PPP4R3B: variants seen among roughly 807,000 people sequenced by gnomAD.
The protein encoded by PPP4R3B is serine/threonine-protein phosphatase 4 regulatory subunit 3B.
In PPP4R3B, 52 loss-of-function variants were observed where a neutral mutation model predicts 95.4. That is an observed-to-expected ratio of 0.54 (90% CI 0.44 to 0.69). The LOEUF is 0.69. PPP4R3B is among the 30% of genes least tolerant of loss of function. The pLI, the probability that PPP4R3B is intolerant of heterozygous loss-of-function variation, is 0.00. For missense variants in PPP4R3B, 1,003 were observed against 1,005.9 expected, an observed-to-expected ratio of 1.00 and a Z score of 0.04; for synonymous variants, 407 against 343.9, an observed-to-expected ratio of 1.18 and a Z score of -2.03.
intron 3 of PPP4R3B, among the ~76,000 whole-genome samples, chr2:55,600,426 C>CCTAAAAA (rs1692398476): frequency 4.5e-5 from 1 of 22,172 alleles, no homozygotes. Flanking sequence ...AACTCTGTCT[C>CCTAAAAA]AAAAAAAAAA....
chr2:55,559,347 AAAAAAAACC>A (rs890650611), intron 15 of PPP4R3B, among the ~76,000 whole-genome samples: 5 of 151,650 alleles, frequency 3.3e-5, no homozygotes, highest in Non-Finnish European at 5.9e-5. Context: ...ACTCCGTCTC[AAAAAAAACC>A]AAAAAAACAA....
rs1481017542 is a variant in PPP4R3B, at chr2:55,549,470, AGGCAACTGATTAAAACAACAACAT to A, written c.*417_*440del. 1 of 153,404 alleles carries A rather than the reference AGGCAACTGATTAAAACAACAACAT, an allele frequency of 6.5e-6. No individual in the cohort carries two copies. The highest frequency in any genetic ancestry group is 1.5e-5 in the Non-Finnish European group (1 of 68,608). The allele number at this position is 153,404 out of a possible 1,614,324, so 9.5% of individuals were successfully genotyped here. On this transcript the variant is annotated 3_prime_UTR_variant, in exon 17 of 17. Coordinates refer to ENST00000616407, the MANE Select transcript of PPP4R3B (RefSeq NM_001122964.3). Reference sequence around the variant, plus strand: ...TTCCATAAAAATTTCTTTTAAAAAGAGGCAACTGATTAAAACAACAACATGGCCAGCACCATTATACAAGTAATG... The same window carrying A: ...TTCCATAAAAATTTCTTTTAAAAAGAGGCCAGCACCATTATACAAGTAATG...
At chr2:55,584,921 C>T (rs1461682380) in intron 7 of PPP4R3B, 130 bp downstream of exon 7, 2 of 758,792 alleles carry the variant, frequency 2.6e-6, no homozygotes, top group East Asian at 5.9e-5. Context: ...GCCAAAGTCA[C>T]AACAAGTCAG....
intron 4 of PPP4R3B, among the ~76,000 whole-genome samples, chr2:55,589,845 G>A (rs1353688437): frequency 4.0e-5 from 6 of 149,634 alleles, no homozygotes; most frequent in African/African-American, 1.2e-4. Flanking sequence ...GAACCCGGGA[G>A]GGGGAGCTTG....
At chr2:55,575,291 C>A (rs1334950599) in intron 11 of PPP4R3B, among the ~76,000 whole-genome samples, 1 of 147,896 alleles carries the variant, frequency 6.8e-6, no homozygotes, top group African/African-American at 2.7e-5. Context: ...GAGGGACCTA[C>A]TGAATAAACT....
rs142255362 is a variant in PPP4R3B at position 55,573,528 on chromosome 2, A to T, written c.1765+91T>A. The T allele has an allele frequency of 6.0e-5, 70 of 1,166,004 alleles. 1 individual carries two copies. In the East Asian group the frequency reaches 1.4e-3, roughly 23 times the overall value. The allele number at this position is 1,166,004 out of a possible 1,614,324, so 72.2% of individuals were successfully genotyped here. The stretch of plus-strand genomic sequence containing the variant: ...GACTTCTCACAATCATCTCATTCAT[A>T]GAATATACACTGCTAATAAATAACT... On this transcript the variant is annotated intron_variant, in intron 12 of 16. Coordinates refer to ENST00000616407, the MANE Select transcript of PPP4R3B (RefSeq NM_001122964.3).
intron 3 of PPP4R3B, among the ~76,000 whole-genome samples, chr2:55,601,357 A>G (rs1692581360): frequency 1.3e-5 from 2 of 151,654 alleles, no homozygotes; most frequent in Admixed American, 6.6e-5. Flanking sequence ...ATACAATATG[A>G]TGATGAACCA....
chr2:55,598,481 T>C lies in PPP4R3B; in HGVS notation c.856A>G (p.Asn286Asp). Residue 286 changes from asparagine to aspartate, a missense_variant, in exon 4 of 17, where the codon AAT (asparagine) becomes GAT (aspartate). Coordinates refer to ENST00000616407, the MANE Select transcript of PPP4R3B (RefSeq NM_001122964.3). ...AAAGACGTAAGAGTAGAAAGAAAAT[T>C]CTCTTCAAAAACAGATGGTGTGGGC... Reference protein sequence around the residue: ...ILPTPSVFEENFLSTLTSFIF... With the variant: ...ILPTPSVFEEDFLSTLTSFIF... The C allele has an allele frequency of 6.2e-7, 1 of 1,614,056 alleles. No individual in the cohort carries two copies. Among genetic ancestry groups the C allele is most frequent in the Non-Finnish European group, 8.5e-7 (1 of 1,180,006 alleles).
rs1684920485 is a variant in PPP4R3B, at chr2:55,548,407, G to A, written c.*1504C>T. ...ATTACAGGGTCACATTTTAATTCCT[G>A]AATTTTACAGTTTAGCATTAATATC... On this transcript the variant is annotated 3_prime_UTR_variant, in exon 17 of 17. Transcript: ENST00000616407. 1 of 152,580 alleles carries A rather than the reference G, an allele frequency of 6.6e-6. No homozygotes were observed. The highest frequency in any genetic ancestry group is 6.5e-5 in the Admixed American group (1 of 15,278). 9.5% of individuals were successfully genotyped at this position (152,580 alleles called of 1,614,324 possible).
At chr2:55,578,030 T>A (rs936405144) in intron 10 of PPP4R3B, among the ~76,000 whole-genome samples, 1 of 152,180 alleles carries the variant, frequency 6.6e-6, no homozygotes, top group Admixed American at 6.5e-5. Context: ...GAGTTAAAAA[T>A]AAATAAGAAC....
At chr2:55,595,927 T>G (rs993641046) in intron 4 of PPP4R3B, among the ~76,000 whole-genome samples, 1 of 152,172 alleles carries the variant, frequency 6.6e-6, no homozygotes, top group Non-Finnish European at 1.5e-5. Flanking sequence ...AAAGCAGTTA[T>G]GCAGAAAGCT....
At chr2:55,584,796 C>T (rs1206455309) in intron 7 of PPP4R3B, among the ~76,000 whole-genome samples, 1 of 152,112 alleles carries the variant, frequency 6.6e-6, no homozygotes, top group Non-Finnish European at 1.5e-5. Context: ...AAATTTAAGA[C>T]CAATATTTAC....
intron 2 of PPP4R3B, among the ~76,000 whole-genome samples, chr2:55,608,591 T>C (rs546587069): frequency 9.9e-5 from 15 of 152,088 alleles, no homozygotes; most frequent in Non-Finnish European, 1.8e-4. Flanking sequence ...TCCCAATGAG[T>C]TTCCCACTTA....
intron 2 of PPP4R3B, among the ~76,000 whole-genome samples, chr2:55,604,320 C>T (rs574310423): frequency 4.7e-4 from 72 of 152,250 alleles, no homozygotes; most frequent in African/African-American, 1.7e-3. Context: ...GGCTCTGACT[C>T]ATGTTACTCA....
chr2:55,567,585 T>C (rs1266264165), intron 13 of PPP4R3B, among the ~76,000 whole-genome samples: 1 of 152,126 alleles, frequency 6.6e-6, no homozygotes, highest in East Asian at 1.9e-4. Context: ...TCAGCTAATT[T>C]CTGTATTTTT....
intron 7 of PPP4R3B, among the ~76,000 whole-genome samples, chr2:55,583,884 C>G (rs999747676): frequency 1.3e-5 from 2 of 152,158 alleles, no homozygotes; most frequent in Non-Finnish European, 2.9e-5. Context: ...ATGCAAGCAT[C>G]AAATTAAAAT....
intron 4 of PPP4R3B, among the ~76,000 whole-genome samples, chr2:55,595,203 T>C (rs1691597617): frequency 1.3e-5 from 2 of 151,968 alleles, no homozygotes. Context: ...TTTGTATTTT[T>C]AGTAGAGATG....
chr2:55,549,588 T>G lies in PPP4R3B; in HGVS notation c.*323A>C. 4.0e-6 allele frequency: 1 copy of G among 252,210 alleles called. No individual in the cohort carries two copies. 15.6% of individuals were successfully genotyped at this position (252,210 alleles called of 1,614,324 possible). On this transcript the variant is annotated 3_prime_UTR_variant, in exon 17 of 17. Transcript: ENST00000616407. ...CGACACCCCGAGGAGCAACCCTGCA[T>G]TATTATATCAACCTTTTCCCCTCCC...
At chr2:55,587,960 C>T (rs1421976110) in intron 5 of PPP4R3B, among the ~76,000 whole-genome samples, 2 of 152,212 alleles carry the variant, frequency 1.3e-5, no homozygotes, top group African/African-American at 4.8e-5. Flanking sequence ...CGAAGATATT[C>T]CTGTAGCAAT....
Sources: allele counts gnomAD v4.1 joint callset (sites outside exome capture counted in the v4.1 genomes callset), GRCh38; gene constraint gnomAD v4.1.1; transcripts MANE v1.5; gene names NCBI Gene and HGNC (gene_info 2026-07-23, HGNC 2026-07-21).